Variants in NRG1 observed in about 807,000 individuals in gnomAD.
NRG1 encodes pro-neuregulin-1, membrane-bound isoform.
NRG1 carries 18 observed loss-of-function variants against 63.8 expected under a neutral mutation model. That is an observed-to-expected ratio of 0.28 (90% CI 0.19 to 0.42). The LOEUF (loss-of-function observed/expected upper bound fraction) is 0.42, where lower values mean the gene tolerates loss of function less well. NRG1 is among the 10% of genes least tolerant of loss of function. NRG1 has a pLI of 1.00. For synonymous variants in NRG1, 302 were observed against 301.3 expected (o/e 1.00, Z -0.02); for missense variants, 762 against 814.7 (o/e 0.94, Z 0.79).
chr8:31,644,987 T>C (rs1804153969), intron 1 of NRG1, among the ~76,000 whole-genome samples: 1 of 152,156 alleles, frequency 6.6e-6, no homozygotes, highest in Admixed American at 6.5e-5. Flanking sequence ...AAGCAATTTG[T>C]TACCACCCCA....
chr8:31,674,673 C>T (rs1807498765), intron 1 of NRG1, among the ~76,000 whole-genome samples: 1 of 152,010 alleles, frequency 6.6e-6, no homozygotes, highest in African/African-American at 2.4e-5. Flanking sequence ...TAGCATATAG[C>T]ACCTAGTTTA....
chr8:32,197,036 T>G lies in NRG1; in HGVS notation c.38-398792T>G, dbSNP rs556128638. ...GTGCAGTGGCGCGATCTTGGCTCAC[T>G]GCAACCTTCGCCTCCCGGGTTCAAA... On this transcript the variant is annotated intron_variant, in intron 1 of 10. Coordinates refer to the NRG1 transcript ENST00000519301. 6.4e-5 allele frequency among the ~76,000 whole-genome samples: 9 copies of G among 139,986 alleles called. No individual in the cohort carries two copies. In the East Asian group the frequency reaches 1.9e-3, roughly 29 times the overall value. 91.8% of individuals were successfully genotyped at this position (139,986 alleles called of 152,430 possible). A position where few individuals can be genotyped will look rare whatever the true frequency, so the allele number is the denominator to read the frequency against.
intron 1 of NRG1, among the ~76,000 whole-genome samples, chr8:32,341,192 C>T (rs558755556): frequency 1.3e-5 from 2 of 152,288 alleles, no homozygotes; most frequent in East Asian, 1.9e-4. Flanking sequence ...TCCAAGATAA[C>T]GTGCAGAAAC....
downstream of NRG1, among the ~76,000 whole-genome samples, chr8:32,768,706 G>T (rs1204038165): frequency 6.6e-6 from 1 of 152,118 alleles, no homozygotes. Context: ...TATTTGCATG[G>T]TACCCTTCAT....
intron 1 of NRG1, among the ~76,000 whole-genome samples, chr8:32,425,940 G>A (rs1457055983): frequency 1.3e-5 from 2 of 152,124 alleles, no homozygotes; most frequent in East Asian, 3.8e-4. Flanking sequence ...TCTCGGGCTG[G>A]GTTAGAGTGG....
chr8:32,702,854 A>G (rs1055365823), intron 5 of NRG1, among the ~76,000 whole-genome samples: 7 of 152,156 alleles, frequency 4.6e-5, no homozygotes, highest in Non-Finnish European at 7.3e-5. Flanking sequence ...AAATGAGGTG[A>G]ATGAGAAGGC....
intron 1 of NRG1, among the ~76,000 whole-genome samples, chr8:32,308,947 G>A (rs1016904270): frequency 6.6e-6 from 1 of 152,140 alleles, no homozygotes; most frequent in Non-Finnish European, 1.5e-5. Flanking sequence ...CAGCTTTGAT[G>A]CATTTGACTG....
chr8:32,124,511 C>T (rs983029825), intron 1 of NRG1, among the ~76,000 whole-genome samples: 9 of 151,652 alleles, frequency 5.9e-5, no homozygotes, highest in African/African-American at 1.9e-4. Flanking sequence ...CATATTGTGA[C>T]AAGATTTTTC....
intron 1 of NRG1, among the ~76,000 whole-genome samples, chr8:32,202,800 C>T (rs1258068520): frequency 6.6e-6 from 1 of 151,172 alleles, no homozygotes; most frequent in African/African-American, 2.4e-5. Context: ...CACTGCTCTG[C>T]TGCTCTGCCA....
chr8:32,165,755 C>G (rs1462309311), intron 1 of NRG1, among the ~76,000 whole-genome samples: 1 of 152,166 alleles, frequency 6.6e-6, no homozygotes, highest in African/African-American at 2.4e-5. Context: ...CTCTTTATCT[C>G]ATCCCTTATC....
intron 1 of NRG1, among the ~76,000 whole-genome samples, chr8:31,955,285 A>T (rs1804179838): frequency 1.3e-5 from 2 of 152,234 alleles, no homozygotes; most frequent in Non-Finnish European, 2.9e-5. Context: ...AGTGAATGAA[A>T]TAGGATCTCC....
At chr8:31,918,394 G>C (rs1254938314) in intron 1 of NRG1, among the ~76,000 whole-genome samples, 2 of 152,126 alleles carry the variant, frequency 1.3e-5, no homozygotes, top group African/African-American at 4.8e-5. Context: ...CTAATTTGTT[G>C]AGAGTTTTTA....
Position 32,719,348 on chromosome 8 carries a change from A to G in NRG1, c.503-8601A>G, listed in dbSNP as rs111505581. 3.9e-3 allele frequency among the ~76,000 whole-genome samples: 586 copies of G among 152,200 alleles called. 7 individuals are homozygous for G. The highest frequency in any genetic ancestry group is 0.013 in the African/African-American group (552 of 41,570). On this transcript the variant is annotated intron_variant, in intron 5 of 11. Coordinates refer to ENST00000356819, the Ensembl canonical transcript of NRG1. Reference sequence around the variant, plus strand: ...ACAAGGGATTGTGTAATGAATCTCCATGTAGCCATCACCCACTTCAGCCGT... The same window carrying G: ...ACAAGGGATTGTGTAATGAATCTCCGTGTAGCCATCACCCACTTCAGCCGT...
At chr8:32,552,876 A>C (rs997383860) in intron 1 of NRG1, among the ~76,000 whole-genome samples, 1 of 152,214 alleles carries the variant, frequency 6.6e-6, no homozygotes, top group Non-Finnish European at 1.5e-5. Context: ...ATGAACACTG[A>C]ATACCTACTA....
chr8:31,852,932 G>C (rs538115313), intron 1 of NRG1, among the ~76,000 whole-genome samples: 2 of 151,894 alleles, frequency 1.3e-5, no homozygotes, highest in Admixed American at 6.6e-5. Flanking sequence ...GATATGTGGC[G>C]TTATTTCTGA....
intron 1 of NRG1, among the ~76,000 whole-genome samples, chr8:32,540,443 C>T (rs529999730): frequency 2.0e-5 from 3 of 152,096 alleles, no homozygotes; most frequent in South Asian, 2.1e-4. Context: ...GAAAAAACAA[C>T]GACAACAAAA....
intron 1 of NRG1, among the ~76,000 whole-genome samples, chr8:31,759,710 T>C (rs1023138571): frequency 6.6e-6 from 1 of 152,142 alleles, no homozygotes; most frequent in Non-Finnish European, 1.5e-5. Context: ...TAAAACTACA[T>C]ATGAATTTTA....
chr8:32,125,476 A>G (rs780451007), intron 1 of NRG1, among the ~76,000 whole-genome samples: 4 of 151,976 alleles, frequency 2.6e-5, no homozygotes, highest in Non-Finnish European at 4.4e-5. Flanking sequence ...TGCATAGATC[A>G]TAAAAGTTAT....
At chr8:32,653,349 TTTC>T (rs1180236256) in intron 5 of NRG1, among the ~76,000 whole-genome samples, 1 of 152,210 alleles carries the variant, frequency 6.6e-6, no homozygotes, top group Non-Finnish European at 1.5e-5. Context: ...TCATTCAGCA[TTTC>T]TTCTTCTTTA....
Sources: gnomAD v4.1 joint callset for allele counts (sites outside exome capture counted in the v4.1 genomes callset) on GRCh38, gnomAD v4.1.1 for gene constraint, MANE v1.5 for transcripts, NCBI Gene and HGNC (gene_info 2026-07-23, HGNC 2026-07-21) for gene names.